PCDHA7: variants seen among roughly 807,000 people sequenced by gnomAD.
The protein encoded by PCDHA7 is protocadherin alpha-7.
A neutral mutation model predicts 57.2 loss-of-function variants in PCDHA7; 37 were observed. The observed-to-expected ratio is 0.65, with a 90% CI of 0.50 to 0.85. The LOEUF (loss-of-function observed/expected upper bound fraction) is 0.85, where lower values mean the gene tolerates loss of function less well. Ranked by LOEUF, PCDHA7 falls within the 40% of genes least tolerant of loss-of-function variation. The pLI is 0.00. For synonymous variants in PCDHA7, 553 were observed against 558.8 expected (o/e 0.99, Z 0.15); for missense variants, 1,188 against 1,241.8 (o/e 0.96, Z 0.65).
intron 1 of PCDHA7, chr5:140,842,864 G>C (rs1554139478): frequency 1.3e-6 from 2 of 1,593,918 alleles, no homozygotes; most frequent in Non-Finnish European, 1.7e-6. Context: ...CACGGAGAGC[G>C]GCAAGGTGTA....
At chr5:141,006,584 G>C (rs1554260824) in intron 3 of PCDHA7, among the ~76,000 whole-genome samples, 2 of 152,126 alleles carry the variant, frequency 1.3e-5, no homozygotes, top group Admixed American at 6.6e-5. Flanking sequence ...GAGGGTTGGA[G>C]AGAAGCAAAA....
chr5:140,877,155 C>A, intron 1 of PCDHA7: 1 of 1,613,798 alleles, frequency 6.2e-7, no homozygotes, highest in Non-Finnish European at 8.5e-7. Context: ...AGAACGACAA[C>A]GCGCCGGCAC....
rs1354024446 is a variant in PCDHA7 at position 140,846,271 on chromosome 5, C to G, written c.2355+9533C>G. Among the ~76,000 whole-genome samples the G allele has an allele frequency of 2.0e-5, 3 of 148,444 alleles. 1 individual carries two copies. The highest frequency in any genetic ancestry group is 3.0e-5 in the Non-Finnish European group (2 of 66,608). Reference sequence around the variant, plus strand: ...TAATGTTTTGATGATGATTTAAAGTCAATTTATGTTGTAGTTCTATGAATT... The same window carrying G: ...TAATGTTTTGATGATGATTTAAAGTGAATTTATGTTGTAGTTCTATGAATT... On this transcript the variant is annotated intron_variant, in intron 1 of 3. Coordinates refer to ENST00000525929, the MANE Select transcript of PCDHA7 (RefSeq NM_018910.3).
chr5:140,915,863 A>C (rs1424465325), intron 1 of PCDHA7, among the ~76,000 whole-genome samples: 1 of 152,172 alleles, frequency 6.6e-6, no homozygotes, highest in Non-Finnish European at 1.5e-5. Context: ...CCAAGTTTGC[A>C]TCCTTCCCTT....
intron 1 of PCDHA7, among the ~76,000 whole-genome samples, chr5:140,908,762 C>T (rs962553584): frequency 7.9e-5 from 12 of 152,104 alleles, no homozygotes; most frequent in Admixed American, 2.6e-4. Flanking sequence ...ACAGCCTGGA[C>T]GTGTTGTAGA....
chr5:140,948,017 T>TTTTCC (rs1351599974), intron 1 of PCDHA7, among the ~76,000 whole-genome samples: 1 of 151,262 alleles, frequency 6.6e-6, no homozygotes, highest in African/African-American at 2.4e-5. Flanking sequence ...GGAAGTACCC[T>TTTTCC]TTCTGGTTTG....
In PCDHA7 at chr5:140,877,150, G is replaced by T. The variant is rs370292278; in HGVS notation, c.2355+40412G>T. On this transcript the variant is annotated intron_variant, in intron 1 of 3. Coordinates refer to ENST00000525929, the MANE Select transcript of PCDHA7 (RefSeq NM_018910.3). Reference sequence around the variant, plus strand: ...GCAGGTGTTCGTGCTGGACGAGAACGACAACGCGCCGGCACTGCTGGCGAC... The same window carrying T: ...GCAGGTGTTCGTGCTGGACGAGAACTACAACGCGCCGGCACTGCTGGCGAC... 1.7e-5 allele frequency: 27 copies of T among 1,613,672 alleles called. No homozygotes were observed. Among genetic ancestry groups the T allele is most frequent in the Non-Finnish European group, 2.2e-5 (26 of 1,179,864 alleles).
chr5:140,835,800 C>T lies in PCDHA7; in HGVS notation c.1417C>T (p.His473Tyr), dbSNP rs1773939889. 4 of 1,612,944 alleles carry T rather than the reference C, an allele frequency of 2.5e-6. No individual in the cohort carries two copies. Among genetic ancestry groups the T allele is most frequent in the Non-Finnish European group, 3.4e-6 (4 of 1,179,740 alleles). The part of the protein sequence containing the change: ...FVKENNPPGC[H>Y]IFTVSAGDAD... The stretch of plus-strand genomic sequence containing the variant: ...GAAGGAGAACAACCCGCCGGGCTGC[C>T]ACATCTTCACTGTGTCGGCGGGGGA... Residue 473 changes from histidine to tyrosine, a missense_variant, in exon 1 of 4, where the codon CAC (histidine) becomes TAC (tyrosine). His to Tyr is a moderately conservative substitution (Grantham distance 83). Transcript: ENST00000525929.
intron 1 of PCDHA7, among the ~76,000 whole-genome samples, chr5:140,917,726 G>A (rs1192405804): frequency 6.6e-6 from 1 of 152,114 alleles, no homozygotes; most frequent in Admixed American, 6.6e-5. Flanking sequence ...TTATTTCTGG[G>A]TTCTCTAACC....
chr5:140,850,244 G>GTCGGT, intron 1 of PCDHA7: 1 of 1,593,676 alleles, frequency 6.3e-7, no homozygotes, highest in South Asian at 1.1e-5. Context: ...TGGTGCTGCG[G>GTCGGT]TCGGTGGGCG....
intron 1 of PCDHA7, among the ~76,000 whole-genome samples, chr5:140,898,087 T>C (rs1480771668): frequency 2.6e-5 from 4 of 152,150 alleles, no homozygotes; most frequent in Non-Finnish European, 5.9e-5. Flanking sequence ...TTCTGGATAT[T>C]AGCCCTTTGT....
At chr5:140,855,255 A>G (rs2043396159) in intron 1 of PCDHA7, among the ~76,000 whole-genome samples, 1 of 149,836 alleles carries the variant, frequency 6.7e-6, no homozygotes, top group Non-Finnish European at 1.5e-5. Context: ...AGCACTTACT[A>G]TATTATAATT....
chr5:140,884,839 G>T, intron 1 of PCDHA7: 1 of 893,290 alleles, frequency 1.1e-6, no homozygotes, highest in Non-Finnish European at 1.6e-6. Context: ...TTATCCTTCA[G>T]AGTGAAATCT....
intron 1 of PCDHA7, chr5:140,928,782 T>C (rs2085522837): frequency 6.2e-7 from 1 of 1,614,030 alleles, no homozygotes; most frequent in East Asian, 2.2e-5. Context: ...CTGATGCAGT[T>C]AAGCAGAGGG....
rs2150340474 is a variant in PCDHA7, at chr5:140,842,609, G to A, written c.2355+5871G>A. On this transcript the variant is annotated intron_variant, in intron 1 of 3. Transcript: ENST00000525929. ...TGAGTTGGTGGTAACCGCGCGGGAC[G>A]GGGGCTCGCCTTCGCTGTGGGCCAC... 1.8e-5 allele frequency: 28 copies of A among 1,595,750 alleles called. 2 individuals carry two copies. Among genetic ancestry groups the A allele is most frequent in the African/African-American group, 2.7e-5 (2 of 74,312 alleles).
At chr5:141,007,804 A>G (rs966389410) in intron 3 of PCDHA7, among the ~76,000 whole-genome samples, 1 of 152,204 alleles carries the variant, frequency 6.6e-6, no homozygotes, top group Non-Finnish European at 1.5e-5. Context: ...TTTATCTGCC[A>G]TTCATTTGCC....
chr5:140,926,763 C>T, intron 1 of PCDHA7: 1 of 1,327,892 alleles, frequency 7.5e-7, no homozygotes, highest in African/African-American at 1.5e-5. Flanking sequence ...GCTGAGTATC[C>T]AGCCCGCAGC....
Position 140,885,836 on chromosome 5 carries a change from C to T in PCDHA7, c.2355+49098C>T, listed in dbSNP as rs186775413. On this transcript the variant is annotated intron_variant, in intron 1 of 3. Transcript: ENST00000525929. ...TGTATTTGATCTTCTTTGATTTATC[C>T]ATTAAGTTATTTGCCTACTTTTCTA... Among the ~76,000 whole-genome samples the T allele has an allele frequency of 3.1e-3, 470 of 152,032 alleles. 3 individuals are homozygous for T. Among genetic ancestry groups the T allele is most frequent in the Middle Eastern group, 0.014 (4 of 294 alleles).
In PCDHA7 at chr5:140,966,984, G is replaced by A. The variant is rs1217682338; in HGVS notation, c.2356-11965G>A. 4.4e-6 allele frequency: 7 copies of A among 1,603,802 alleles called. No individual in the cohort carries two copies. In the Admixed American group the frequency reaches 5.0e-5, roughly 11 times the overall value. Reference sequence around the variant, plus strand: ...CTGGGGCTTGAGCTGCGGCGCTTGGGGCCGGGTTGCTTGCGCATCAACCAT... The same window carrying A: ...CTGGGGCTTGAGCTGCGGCGCTTGGAGCCGGGTTGCTTGCGCATCAACCAT... On this transcript the variant is annotated intron_variant, in intron 1 of 3. Transcript: ENST00000525929.
Sources: allele counts gnomAD v4.1 joint callset (sites outside exome capture counted in the v4.1 genomes callset), GRCh38; gene constraint gnomAD v4.1.1; transcripts MANE v1.5; gene names NCBI Gene and HGNC (gene_info 2026-07-23, HGNC 2026-07-21).